WDR27: variants seen among roughly 807,000 people sequenced by gnomAD.
The protein encoded by WDR27 is WD repeat-containing protein 27.
A neutral mutation model predicts 114.4 loss-of-function variants in WDR27; 100 were observed. That is an observed-to-expected ratio of 0.87 (90% confidence interval 0.74 to 1.03). The LOEUF (loss-of-function observed/expected upper bound fraction) is 1.03. Among genes scored for constraint, WDR27 ranks in the 50% least tolerant of loss-of-function variants. WDR27 has a pLI of 0.00. For synonymous variants in WDR27, 449 were observed against 423.1 expected, an observed-to-expected ratio of 1.06 and a Z score of -0.75; for missense variants, 1,129 against 1,092.9, an observed-to-expected ratio of 1.03 and a Z score of -0.47.
At chr6:169,576,233 T>C (rs1802310201) in intron 24 of WDR27, among the ~76,000 whole-genome samples, 1 of 152,252 alleles carries the variant, frequency 6.6e-6, no homozygotes, top group Admixed American at 6.5e-5. Context: ...TCTGCTGGGC[T>C]GGGCTGGGCC....
intron 25 of WDR27, among the ~76,000 whole-genome samples, chr6:169,518,957 AG>A (rs1794021686): frequency 6.6e-6 from 1 of 152,184 alleles, no homozygotes; most frequent in Non-Finnish European, 1.5e-5. Context: ...CAGATACCCT[AG>A]GTTGTCACTC....
At chr6:169,664,572 A>G in intron 7 of WDR27, 1 of 1,292,988 alleles carries the variant, frequency 7.7e-7, no homozygotes, top group South Asian at 1.6e-5. Flanking sequence ...TGGGAACCCC[A>G]GGCCCCAGGC....
At chr6:169,565,423 C>A (rs867809787) in intron 25 of WDR27, among the ~76,000 whole-genome samples, 3 of 152,032 alleles carry the variant, frequency 2.0e-5, no homozygotes, top group Non-Finnish European at 2.9e-5. Flanking sequence ...CATCTGGGAT[C>A]CATTTAATAT....
intron 25 of WDR27, chr6:169,559,810 A>G (rs1799439165): frequency 6.6e-6 from 1 of 152,208 alleles, no homozygotes; most frequent in South Asian, 2.1e-4. Context: ...GGTGGGCACC[A>G]TGCCAAGAAG....
intron 25 of WDR27, among the ~76,000 whole-genome samples, chr6:169,510,113 T>A (rs1339715921): frequency 6.6e-6 from 1 of 152,136 alleles, no homozygotes; most frequent in African/African-American, 2.4e-5. Flanking sequence ...ATGGCGATCA[T>A]TAAAAAGTCA....
intron 21 of WDR27, among the ~76,000 whole-genome samples, chr6:169,614,116 C>T (rs923347060): frequency 2.6e-5 from 4 of 152,130 alleles, no homozygotes; most frequent in African/African-American, 7.2e-5. Context: ...CACGGGGCCT[C>T]GAGTCCCGGC....
At chr6:169,502,978 C>G (rs141582170) in intron 25 of WDR27, among the ~76,000 whole-genome samples, 1 of 152,292 alleles carries the variant, frequency 6.6e-6, no homozygotes, top group Non-Finnish European at 1.5e-5. Flanking sequence ...GCAGCTAATT[C>G]CATGAAATGT....
chr6:169,701,677 G>T lies in WDR27; in HGVS notation c.-134C>A, dbSNP rs1585277397. ...CTGGAGACCCTCGCACTAGCACGGC[G>T]TCAGGAGGAGGCTTCGGGTGACGAG... On this transcript the variant is annotated 5_prime_UTR_variant, in exon 1 of 26. Coordinates refer to ENST00000448612, the MANE Select transcript of WDR27 (RefSeq NM_182552.5). 1 of 173,670 alleles carries T rather than the reference G, an allele frequency of 5.8e-6. No individual in the cohort carries two copies. Among genetic ancestry groups the T allele is most frequent in the African/African-American group, 2.4e-5 (1 of 41,530 alleles). The allele number at this position is 173,670 out of a possible 1,614,324, so 10.8% of individuals were successfully genotyped here.
At chr6:169,448,835 C>A in the WDR27 span, among the ~76,000 whole-genome samples, 1 of 152,182 alleles carries the variant, frequency 6.6e-6, no homozygotes, top group Non-Finnish European at 1.5e-5. Flanking sequence ...TGAGGAGACA[C>A]CTGCAGGGCT....
chr6:169,571,389 C>T (rs1801395439), intron 25 of WDR27, among the ~76,000 whole-genome samples: 1 of 152,198 alleles, frequency 6.6e-6, no homozygotes, highest in South Asian at 2.1e-4. Flanking sequence ...CTGATAACCC[C>T]ACTCTCATCA....
intron 9 of WDR27, among the ~76,000 whole-genome samples, chr6:169,662,103 T>C (rs1055091789): frequency 1.3e-5 from 2 of 152,244 alleles, no homozygotes; most frequent in Admixed American, 6.5e-5. Flanking sequence ...ATTCCTTTTA[T>C]TAAAGACACT....
the WDR27 span, among the ~76,000 whole-genome samples, chr6:169,449,167 A>T: frequency 1.3e-5 from 2 of 152,184 alleles, no homozygotes; most frequent in Non-Finnish European, 2.9e-5. Context: ...TATAGAATGT[A>T]GCCTACAGAG....
intron 25 of WDR27, among the ~76,000 whole-genome samples, chr6:169,533,239 G>A (rs3006198): frequency 0.6 from 90,514 of 150,132 alleles, 29,577 homozygotes; most frequent in East Asian, 0.72. Flanking sequence ...GTGAGACAGC[G>A]TGGCATGGAA....
In WDR27 at chr6:169,500,091, G is replaced by A. The variant is rs138921857; in HGVS notation, c.2646-42457C>T. On this transcript the variant is annotated intron_variant, in intron 25 of 25. Transcript: ENST00000448612. ...GGGCTATTGTCCTAGGAAAGGAAAC[G>A]TGGAGCGCTACTCAGTATAAAACTT... Among the ~76,000 whole-genome samples, 580 of 152,304 alleles carry A rather than the reference G, an allele frequency of 3.8e-3. 3 individuals are homozygous for A. The highest frequency in any genetic ancestry group is 0.013 in the African/African-American group (544 of 41,562).
At chr6:169,625,954 C>T (rs891585195) in intron 21 of WDR27, among the ~76,000 whole-genome samples, 6 of 152,248 alleles carry the variant, frequency 3.9e-5, no homozygotes, top group Non-Finnish European at 5.9e-5. Flanking sequence ...CCCAGCAGCC[C>T]GGGCTTCATG....
At position 169,536,485 on chromosome 6, in the gene WDR27, T is replaced by TA. The variant is rs1369109171; in HGVS notation, c.2645+35933dup. Among the ~76,000 whole-genome samples, 6 of 152,310 alleles carry TA rather than the reference T, an allele frequency of 3.9e-5. No individual in the cohort carries two copies. The East Asian group carries it at 1.2e-3, about 29-fold the overall frequency. On this transcript the variant is annotated intron_variant, in intron 25 of 25. Transcript: ENST00000448612. ...TTTCTAGATGTCTGAATCTCCCACT[T>TA]AAAGTGCAGAACTAATGAAACTGGT...
Position 169,579,536 on chromosome 6 carries a change from G to A in WDR27, c.2523+3300C>T, listed in dbSNP as rs923290131. 5.3e-5 allele frequency among the ~76,000 whole-genome samples: 8 copies of A among 152,062 alleles called. No homozygotes were observed. In the East Asian group the frequency reaches 1.2e-3, roughly 22 times the overall value. ...GCCCAAACCAGCTGGGGCCAAGATG[G>A]TGCTGAAGCCATCTCTGGTTGCCCT... On this transcript the variant is annotated intron_variant, in intron 24 of 25. Transcript: ENST00000448612.
chr6:169,606,091 A>C lies in WDR27; in HGVS notation c.2322-3770T>G, dbSNP rs182826435. ...GAACTCAAAACCAGAGGTAACAAAA[A>C]TAAAAATAGACAAATATGACTTAAT... is the stretch of plus-strand genomic sequence containing the variant. On this transcript the variant is annotated intron_variant, in intron 22 of 25. Transcript: ENST00000448612. Among the ~76,000 whole-genome samples, 298 of 152,302 alleles carry C rather than the reference A, an allele frequency of 2.0e-3. 1 individual carries two copies. The highest frequency in any genetic ancestry group is 0.01 in the Middle Eastern group (3 of 294).
chr6:169,615,955 T>A (rs199779211), intron 21 of WDR27, among the ~76,000 whole-genome samples: 158 of 144,192 alleles, frequency 1.1e-3, no homozygotes, highest in Admixed American at 1.3e-3. Flanking sequence ...GAAAACCTAA[T>A]AAAAAAAAAA....
Sources: allele counts gnomAD v4.1 joint callset (sites outside exome capture counted in the v4.1 genomes callset), GRCh38; gene constraint gnomAD v4.1.1; transcripts MANE v1.5; gene names NCBI Gene and HGNC (gene_info 2026-07-23, HGNC 2026-07-21).